ANKAR: variants seen among roughly 807,000 people sequenced by gnomAD.
ANKAR encodes ankyrin and armadillo repeat-containing protein.
Under a neutral mutation model 146.2 loss-of-function variants are expected in ANKAR, and 136 were observed. The observed-to-expected ratio is 0.93, with a 90% CI of 0.81 to 1.07. The LOEUF (loss-of-function observed/expected upper bound fraction) is 1.07, where lower values mean the gene tolerates loss of function less well. ANKAR is among the 50% of genes least tolerant of loss of function. ANKAR has a pLI of 0.00. For synonymous variants in ANKAR, 500 were observed against 575.8 expected (o/e 0.87, Z 1.88); for missense variants, 1,567 against 1,679.9 (o/e 0.93, Z 1.18).
At chr2:189,712,781 T>G (rs545872371) in intron 10 of ANKAR, among the ~76,000 whole-genome samples, 1 of 152,134 alleles carries the variant, frequency 6.6e-6, no homozygotes, top group Non-Finnish European at 1.5e-5. Context: ...CTTTGATGAG[T>G]TGACAGAAGT....
Position 189,693,154 on chromosome 2 carries a change from A to C in ANKAR, c.1284A>C (p.Pro428=). Residue 428 remains proline, a synonymous_variant, in exon 5 of 23, where the codon CCA becomes CCC. Coordinates refer to ENST00000684021, the MANE Select transcript of ANKAR (RefSeq NM_001378068.1). ...GATATAAAGAATATTACTCAATACCAGTCATGGAATTTCATGGAAAAAGGT... is the reference window on the plus strand; with the variant it reads ...GATATAAAGAATATTACTCAATACCCGTCATGGAATTTCATGGAAAAAGGT... ...DSGYKEYYSI[P]VMEFHGKSYY... is the part of the protein sequence containing the mutation. 2 of 1,557,308 alleles carry C rather than the reference A, an allele frequency of 1.3e-6. No individual in the cohort carries two copies. The highest frequency in any genetic ancestry group is 1.7e-6 in the Non-Finnish European group (2 of 1,146,210).
At chr2:189,710,888 A>T (rs2039596246) in intron 9 of ANKAR, among the ~76,000 whole-genome samples, 161 bp from the exon 10 acceptor site, 1 of 152,230 alleles carries the variant, frequency 6.6e-6, no homozygotes, top group East Asian at 1.9e-4. Context: ...TCAGTACTTC[A>T]TAGGGAGCTG....
chr2:189,744,648 C>A, intron 21 of ANKAR, 94 bp from the exon 22 acceptor site: 1 of 832,054 alleles, frequency 1.2e-6, no homozygotes, highest in Non-Finnish European at 1.9e-6. Flanking sequence ...GGCATTAAAC[C>A]TGGTACTGTA....
intron 7 of ANKAR, among the ~76,000 whole-genome samples, chr2:189,696,955 C>A (rs1559078291): frequency 6.6e-6 from 1 of 151,968 alleles, no homozygotes; most frequent in Non-Finnish European, 1.5e-5. Context: ...TTAAGGTTAA[C>A]CTCATTTAAA....
chr2:189,679,760 T>C (rs1450341568), intron 2 of ANKAR, among the ~76,000 whole-genome samples: 1 of 152,228 alleles, frequency 6.6e-6, no homozygotes, highest in African/African-American at 2.4e-5. Flanking sequence ...ATCACATATA[T>C]TGACTTGCAT....
At chr2:189,733,005 T>C in intron 16 of ANKAR, 102 bp from the exon 17 acceptor site, 4 of 1,141,120 alleles carry the variant, frequency 3.5e-6, no homozygotes, top group Non-Finnish European at 4.7e-6. Flanking sequence ...GCAGATTTTA[T>C]AGTATCTTTC....
chr2:189,737,845 T>G lies in ANKAR; in HGVS notation c.3582+4T>G. 1 of 1,538,764 alleles carries G rather than the reference T, an allele frequency of 6.5e-7. No individual in the cohort carries two copies. ...GAAGGCAATGGCAGCATTTCAGGTA[T>G]AAAATTGAGATTAACACCTCAAATT... On this transcript the variant is annotated splice_donor_region_variant and intron_variant, in intron 18 of 22. Coordinates refer to ENST00000684021, the MANE Select transcript of ANKAR (RefSeq NM_001378068.1).
At chr2:189,698,797 A>C (rs892577610) in intron 7 of ANKAR, among the ~76,000 whole-genome samples, 2 of 152,188 alleles carry the variant, frequency 1.3e-5, no homozygotes, top group Non-Finnish European at 2.9e-5. Context: ...ACAAGGAGCC[A>C]GAGGACACAG....
chr2:189,762,538 G>C, downstream of ANKAR: 1 of 945,746 alleles, frequency 1.1e-6, no homozygotes, highest in Non-Finnish European at 1.3e-6. Flanking sequence ...CTACCCTTTC[G>C]GGCCAAGAAA....
intron 15 of ANKAR, among the ~76,000 whole-genome samples, chr2:189,729,926 G>T (rs530999653): frequency 6.6e-6 from 1 of 151,558 alleles, no homozygotes; most frequent in Non-Finnish European, 1.5e-5. Flanking sequence ...AAAATTCTTT[G>T]TCCATGTTCA....
chr2:189,698,814 T>C (rs969393538), intron 7 of ANKAR, among the ~76,000 whole-genome samples: 2 of 152,034 alleles, frequency 1.3e-5, no homozygotes, highest in African/African-American at 4.8e-5. Flanking sequence ...ACAGGTTGCT[T>C]TTTCTGCAGG....
intron 9 of ANKAR, 62 bp downstream of exon 9, chr2:189,707,208 C>G (rs2039058397): frequency 1.3e-5 from 11 of 849,828 alleles, no homozygotes; most frequent in Admixed American, 8.0e-5. Flanking sequence ...TATTGATACT[C>G]TGAAAGAGAG....
intron 9 of ANKAR, 139 bp from the exon 10 acceptor site, chr2:189,710,910 G>A: frequency 1.5e-6 from 1 of 652,316 alleles, no homozygotes. Context: ...GCACAGAGGG[G>A]AATTTAATGC....
At chr2:189,753,872 T>A in intron 18 of ANKAR, 1 of 1,596,792 alleles carries the variant, frequency 6.3e-7, no homozygotes. Flanking sequence ...AAAAGTAACA[T>A]ATTGCAAAGT....
chr2:189,743,405 C>G lies in ANKAR; in HGVS notation c.3941C>G (p.Ala1314Gly), dbSNP rs774863513. 1 of 1,613,898 alleles carries G rather than the reference C, an allele frequency of 6.2e-7. No homozygotes were observed. ...ATAAAAAATAATATCAGCAGAGATG[C>G]AAGTATTAACCCAGCATTTTTAAAG... ...IRIKNNISRD[A>G]SINPAFLKEF... The change falls in exon 21 of 23, where the codon GCA becomes GGA. Residue 1314 changes from alanine to glycine, a missense_variant. Transcript: ENST00000684021.
intron 15 of ANKAR, among the ~76,000 whole-genome samples, chr2:189,729,116 G>GA (rs1444909446): frequency 6.6e-6 from 1 of 151,882 alleles, no homozygotes; most frequent in Non-Finnish European, 1.5e-5. Flanking sequence ...AAGTTTAAGA[G>GA]AAAAATAGTT....
intron 7 of ANKAR, among the ~76,000 whole-genome samples, chr2:189,700,688 C>T (rs1356861826): frequency 6.6e-6 from 1 of 152,198 alleles, no homozygotes; most frequent in South Asian, 2.1e-4. Context: ...CCCCCACTAC[C>T]CTTCCCAGCC....
chr2:189,750,741 T>C, downstream of ANKAR: 1 of 941,952 alleles, frequency 1.1e-6, no homozygotes, highest in Non-Finnish European at 1.6e-6. Context: ...AGAATTCTGA[T>C]GGTATAAATA....
intron 17 of ANKAR, among the ~76,000 whole-genome samples, chr2:189,734,729 C>T (rs914487348): frequency 5.3e-5 from 8 of 151,880 alleles, no homozygotes; most frequent in African/African-American, 1.2e-4. Flanking sequence ...TTTGGGAGGT[C>T]GAGGTGGGCA....
Sources: gnomAD v4.1 joint callset for allele counts (sites outside exome capture counted in the v4.1 genomes callset) on GRCh38, gnomAD v4.1.1 for gene constraint, MANE v1.5 for transcripts, NCBI Gene and HGNC (gene_info 2026-07-23, HGNC 2026-07-21) for gene names.